Variants in PDLIM5 observed in about 807,000 individuals in gnomAD.
PDLIM5 encodes the protein PDZ and LIM domain protein 5.
A neutral mutation model predicts 64.2 loss-of-function variants in PDLIM5; 34 were observed. The ratio of observed to expected loss-of-function variants is 0.53; its 90% CI spans 0.40 to 0.71. The LOEUF is 0.71. Among genes scored for constraint, PDLIM5 ranks in the 30% least tolerant of loss-of-function variants. PDLIM5 has a pLI of 0.00. For missense variants in PDLIM5, 683 were observed against 733.6 expected, an observed-to-expected ratio of 0.93 and a Z score of 0.80; for synonymous variants, 253 against 269.1, an observed-to-expected ratio of 0.94 and a Z score of 0.59.
chr4:94,564,673 T>TTTTTTTTTTTTTTTTTTG (rs1195951922), intron 3 of PDLIM5, among the ~76,000 whole-genome samples: 2 of 144,860 alleles, frequency 1.4e-5, no homozygotes, highest in African/African-American at 5.5e-5. Context: ...TTTTTTTTTT[T>TTTTTTTTTTTTTTTTTTG]TTGACAGAGT....
chr4:94,460,922 A>C, intron 2 of PDLIM5, among the ~76,000 whole-genome samples: 1 of 152,170 alleles, frequency 6.6e-6, no homozygotes, highest in Admixed American at 6.5e-5. Context: ...GTGAGCTTTC[A>C]ATTTTTTTTA....
chr4:94,577,581 C>CTTTTTTTTTTTTTTTT (rs11349007), intron 5 of PDLIM5, among the ~76,000 whole-genome samples: 11 of 106,836 alleles, frequency 1.0e-4, no homozygotes, highest in Admixed American at 4.0e-4. Flanking sequence ...TGGTCGTAAT[C>CTTTTTTTTTTTTTTTT]TTTTTTTTTT....
chr4:94,555,971 A>G (rs934901647), intron 3 of PDLIM5, among the ~76,000 whole-genome samples: 1 of 151,952 alleles, frequency 6.6e-6, no homozygotes, highest in African/African-American at 2.4e-5. Flanking sequence ...TTTGTTACAT[A>G]TGTATACATG....
chr4:94,553,042 A>G (rs56955132), intron 3 of PDLIM5, among the ~76,000 whole-genome samples: 8,462 of 152,142 alleles, frequency 0.056, 784 homozygotes, highest in African/African-American at 0.19. Flanking sequence ...CTTTTAGCAG[A>G]GGCAACCAAT....
chr4:94,487,505 C>T (rs1277915574), intron 2 of PDLIM5, among the ~76,000 whole-genome samples: 1 of 152,198 alleles, frequency 6.6e-6, no homozygotes, highest in Non-Finnish European at 1.5e-5. Context: ...GTATAGTTAG[C>T]AGCTTTCACA....
At chr4:94,467,473 C>T (rs918262716) in intron 2 of PDLIM5, among the ~76,000 whole-genome samples, 2 of 152,114 alleles carry the variant, frequency 1.3e-5, no homozygotes, top group Non-Finnish European at 2.9e-5. Context: ...ACCACCATGC[C>T]TGGCTAATTT....
At chr4:94,514,138 T>C (rs935002597) in intron 2 of PDLIM5, among the ~76,000 whole-genome samples, 16 of 148,480 alleles carry the variant, frequency 1.1e-4, no homozygotes, top group African/African-American at 3.7e-4. Flanking sequence ...ATTTTCTTTT[T>C]TTTTTTTTTT....
At chr4:94,467,687 A>G (rs1292025197) in intron 2 of PDLIM5, among the ~76,000 whole-genome samples, 5 of 152,190 alleles carry the variant, frequency 3.3e-5, no homozygotes, top group Admixed American at 3.3e-4. Flanking sequence ...TCTAGGAAGT[A>G]TCCTAGAGGT....
intron 3 of PDLIM5, among the ~76,000 whole-genome samples, chr4:94,531,304 A>T (rs1381458637): frequency 6.6e-6 from 1 of 152,202 alleles, no homozygotes; most frequent in African/African-American, 2.4e-5. Context: ...AGTGGGAAAG[A>T]GGACAAACAT....
At chr4:94,507,778 G>A (rs559095648) in intron 2 of PDLIM5, among the ~76,000 whole-genome samples, 2 of 152,332 alleles carry the variant, frequency 1.3e-5, no homozygotes, top group African/African-American at 4.8e-5. Flanking sequence ...CTTCTGGGCT[G>A]TTACTTTGAA....
intron 7 of PDLIM5, among the ~76,000 whole-genome samples, chr4:94,601,412 T>G (rs1363285524): frequency 1.3e-5 from 2 of 152,138 alleles, no homozygotes; most frequent in Non-Finnish European, 2.9e-5. Context: ...ACATATGATT[T>G]GGGGCTGGGG....
At chr4:94,596,448 A>G (rs920347226) in intron 7 of PDLIM5, among the ~76,000 whole-genome samples, 1 of 152,118 alleles carries the variant, frequency 6.6e-6, no homozygotes, top group African/African-American at 2.4e-5. Context: ...AAATTACACA[A>G]TAAAATTATT....
chr4:94,642,433 T>C (rs1281122929), intron 9 of PDLIM5, among the ~76,000 whole-genome samples: 2 of 152,202 alleles, frequency 1.3e-5, no homozygotes, highest in Non-Finnish European at 2.9e-5. Flanking sequence ...TTAAATTTAA[T>C]GCCAGGCCAG....
chr4:94,614,422 A>G (rs2110385742), intron 7 of PDLIM5, among the ~76,000 whole-genome samples: 1 of 152,224 alleles, frequency 6.6e-6, no homozygotes, highest in South Asian at 2.1e-4. Flanking sequence ...GCCAATACCA[A>G]ATGTTTATGT....
chr4:94,514,746 C>G (rs1165297925), intron 2 of PDLIM5, among the ~76,000 whole-genome samples: 1 of 152,052 alleles, frequency 6.6e-6, no homozygotes, highest in African/African-American at 2.4e-5. Flanking sequence ...TTTTGGATTT[C>G]TTCCTGGTTC....
At chr4:94,516,400 T>G (rs1160894679) in intron 2 of PDLIM5, among the ~76,000 whole-genome samples, 1 of 152,236 alleles carries the variant, frequency 6.6e-6, no homozygotes, top group Non-Finnish European at 1.5e-5. Flanking sequence ...GATTACACAT[T>G]TGCTCACAGA....
At chr4:94,630,843 A>G (rs938792616) in intron 8 of PDLIM5, among the ~76,000 whole-genome samples, 4 of 152,184 alleles carry the variant, frequency 2.6e-5, no homozygotes, top group African/African-American at 9.7e-5. Context: ...TAGTTGAAGT[A>G]TTCACACCAA....
At chr4:94,504,988 A>G (rs1165245682) in intron 2 of PDLIM5, among the ~76,000 whole-genome samples, 1 of 152,204 alleles carries the variant, frequency 6.6e-6, no homozygotes, top group Non-Finnish European at 1.5e-5. Context: ...ATTTTATAAC[A>G]GTGCCCTGAG....
At chr4:94,573,750 C>T (rs1735009135) in intron 4 of PDLIM5, 1 of 227,222 alleles carries the variant, frequency 4.4e-6, no homozygotes. Context: ...TCTTTAATAA[C>T]ATTTTATTAA....
Sources: gnomAD v4.1 joint callset for allele counts (sites outside exome capture counted in the v4.1 genomes callset) on GRCh38, gnomAD v4.1.1 for gene constraint, MANE v1.5 for transcripts, NCBI Gene and HGNC (gene_info 2026-07-23, HGNC 2026-07-21) for gene names.